Variants in EVC observed in about 807,000 individuals in gnomAD.
The protein encoded by EVC is evC complex member EVC.
Under a neutral mutation model 118.9 loss-of-function variants are expected in EVC, and 116 were observed. That is an observed-to-expected ratio of 0.98 (90% CI 0.84 to 1.14). The LOEUF (loss-of-function observed/expected upper bound fraction) is 1.14, where lower values mean the gene tolerates loss of function less well. Among genes scored for constraint, EVC ranks in the 50% most tolerant of loss-of-function variants. The pLI is 0.00. For synonymous variants in EVC, 619 were observed against 534.7 expected (o/e 1.16, Z -2.18); for missense variants, 1,401 against 1,246.4 (o/e 1.12, Z -1.87).
chr4:5,753,005 C>T lies in EVC; in HGVS notation c.1268C>T (p.Thr423Met), dbSNP rs764108542. ...LSGRQKEELL[T>M]QQHKAFWQEA... is the part of the protein sequence containing the mutation. Reference sequence around the variant, plus strand: ...GGGCGGCAGAAGGAGGAGCTGCTCACGCAGCAGCACAAGGCCTTCTGGCAG... The same window carrying T: ...GGGCGGCAGAAGGAGGAGCTGCTCATGCAGCAGCACAAGGCCTTCTGGCAG... Residue 423 changes from threonine (T) to methionine (M), a missense_variant, in exon 9 of 21, where the codon ACG becomes ATG. Transcript: ENST00000264956. The T allele has an allele frequency of 3.4e-5, 55 of 1,612,096 alleles. No individual in the cohort carries two copies. Among genetic ancestry groups the T allele is most frequent in the Admixed American group, 1.0e-4 (6 of 59,660 alleles).
At chr4:5,720,299 T>A (rs182402183) in intron 2 of EVC, among the ~76,000 whole-genome samples, 2 of 152,168 alleles carry the variant, frequency 1.3e-5, no homozygotes, top group African/African-American at 4.8e-5. Flanking sequence ...CGTGCCCTTC[T>A]CTCAGCAGCC....
chr4:5,759,282 G>C (rs1365231103), intron 11 of EVC, among the ~76,000 whole-genome samples: 2 of 152,194 alleles, frequency 1.3e-5, no homozygotes, highest in African/African-American at 2.4e-5. Flanking sequence ...GCTTGAAAGA[G>C]CCAGACTACA....
chr4:5,815,711 C>A (rs1427705536), downstream of EVC, among the ~76,000 whole-genome samples: 1 of 152,192 alleles, frequency 6.6e-6, no homozygotes, highest in Non-Finnish European at 1.5e-5. Context: ...GGATTATTCT[C>A]CCCTAAATGT....
At chr4:5,820,594 T>C in the EVC span, among the ~76,000 whole-genome samples, 7 of 152,240 alleles carry the variant, frequency 4.6e-5, no homozygotes, top group South Asian at 8.3e-4. Flanking sequence ...CTTCGCCTCC[T>C]TGGGTCTCAG....
chr4:5,717,037 T>G (rs1278489839), intron 1 of EVC, among the ~76,000 whole-genome samples: 3 of 152,226 alleles, frequency 2.0e-5, no homozygotes, highest in Non-Finnish European at 4.4e-5. Context: ...AGAATCATTT[T>G]CTTGATTTCT....
the EVC span, among the ~76,000 whole-genome samples, chr4:5,822,717 G>T: frequency 1.3e-5 from 2 of 152,186 alleles, no homozygotes; most frequent in African/African-American, 2.4e-5. Flanking sequence ...TGAGCCGGCG[G>T]AACTGAGGAA....
downstream of EVC, among the ~76,000 whole-genome samples, chr4:5,815,802 T>G (rs1015219023): frequency 6.6e-6 from 1 of 152,174 alleles, no homozygotes; most frequent in African/African-American, 2.4e-5. Context: ...CCCCCTGGAA[T>G]GTACACCATT....
At chr4:5,767,878 G>C (rs796742131) in intron 11 of EVC, among the ~76,000 whole-genome samples, 9 of 152,302 alleles carry the variant, frequency 5.9e-5, no homozygotes, top group Admixed American at 2.0e-4. Context: ...CGCTCACGCT[G>C]GGAGCTGTAG....
At chr4:5,800,218 G>A (rs752796884) in intron 15 of EVC, among the ~76,000 whole-genome samples, 7 of 152,084 alleles carry the variant, frequency 4.6e-5, no homozygotes, top group South Asian at 2.1e-4. Flanking sequence ...AGTGGTGTGC[G>A]CCTGTAATCC....
chr4:5,741,618 G>A (rs1728587366), intron 5 of EVC, 98 bp from the exon 6 acceptor site: 2 of 695,342 alleles, frequency 2.9e-6, no homozygotes, highest in African/African-American at 3.5e-5. Context: ...AAGGAGAGAG[G>A]CAGTGGGGGA....
At chr4:5,758,209 CCCCTCCCAGAG>C in intron 11 of EVC, 1 of 693,170 alleles carries the variant, frequency 1.4e-6, no homozygotes, top group Non-Finnish European at 2.6e-6. Flanking sequence ...CCAGGAAGGG[CCCCTCCCAGAG>C]CCTTTGGAGG....
At chr4:5,767,221 G>T (rs1041320618) in intron 11 of EVC, among the ~76,000 whole-genome samples, 29 of 152,100 alleles carry the variant, frequency 1.9e-4, no homozygotes, top group Non-Finnish European at 4.1e-4. Flanking sequence ...CGGGGGCCAG[G>T]GTTCAGGGAC....
chr4:5,807,332 CAG>C (rs1409046081), intron 17 of EVC, among the ~76,000 whole-genome samples: 1 of 152,136 alleles, frequency 6.6e-6, no homozygotes, highest in Non-Finnish European at 1.5e-5. Context: ...TGGGCAAAAA[CAG>C]AGAGGAAAGG....
intron 8 of EVC, among the ~76,000 whole-genome samples, chr4:5,748,711 TCCA>T (rs1729845632): frequency 1.7e-5 from 1 of 59,820 alleles, no homozygotes; most frequent in Non-Finnish European, 3.0e-5. Context: ...CGTCCACCCA[TCCA>T]CCCACCCACC....
chr4:5,816,435 A>G (rs574627866), downstream of EVC, among the ~76,000 whole-genome samples: 18 of 152,272 alleles, frequency 1.2e-4, no homozygotes, highest in Admixed American at 9.8e-4. Context: ...AGGGATGTGG[A>G]GGCCTCCTTA....
intron 11 of EVC, among the ~76,000 whole-genome samples, chr4:5,776,075 GTGTGTTT>G (rs1313717883): frequency 9.9e-5 from 15 of 151,704 alleles, no homozygotes; most frequent in African/African-American, 3.6e-4. Flanking sequence ...AATTTGCTAA[GTGTGTTT>G]CTCATGCATA....
At chr4:5,733,719 A>G (rs1409391012) in intron 5 of EVC, among the ~76,000 whole-genome samples, 1 of 152,228 alleles carries the variant, frequency 6.6e-6, no homozygotes, top group African/African-American at 2.4e-5. Flanking sequence ...GGAGATAGAG[A>G]TAAAAGATAT....
the EVC span, among the ~76,000 whole-genome samples, chr4:5,827,618 G>A: frequency 1.5e-4 from 22 of 151,652 alleles, no homozygotes; most frequent in South Asian, 6.3e-4. Flanking sequence ...ATACACACAC[G>A]CGCACACACA....
chr4:5,821,944 T>C, the EVC span: 1 of 963,890 alleles, frequency 1.0e-6, no homozygotes, highest in Non-Finnish European at 1.5e-6. The surrounding 1 kb of genome is among the most constrained non-coding windows in gnomAD (Gnocchi z 4.4). Flanking sequence ...TGCACTCCAC[T>C]GGACCCACCT....
Sources: gnomAD v4.1 joint callset for allele counts (sites outside exome capture counted in the v4.1 genomes callset) on GRCh38, gnomAD v4.1.1 for gene constraint, Gnocchi (gnomAD v3.1) non-coding constraint, MANE v1.5 for transcripts, NCBI Gene and HGNC (gene_info 2026-07-23, HGNC 2026-07-21) for gene names.